CSMD1: variants seen among roughly 807,000 people sequenced by gnomAD.
The protein encoded by CSMD1 is CUB and sushi domain-containing protein 1.
A neutral mutation model predicts 417.5 loss-of-function variants in CSMD1; 213 were observed. That is an observed-to-expected ratio of 0.51 (90% confidence interval 0.46 to 0.57). The LOEUF (loss-of-function observed/expected upper bound fraction) is 0.57. Among genes scored for constraint, CSMD1 ranks in the 20% least tolerant of loss-of-function variants. CSMD1 has a pLI of 0.00. For missense variants in CSMD1, 6,923 were observed against 4,529.7 expected, an observed-to-expected ratio of 1.53 and a Z score of -15.17; for synonymous variants, 2,862 against 1,736.8, an observed-to-expected ratio of 1.65 and a Z score of -16.11.
chr8:3,147,173 C>T (rs1379831718), intron 40 of CSMD1, among the ~76,000 whole-genome samples: 1 of 152,086 alleles, frequency 6.6e-6, no homozygotes, highest in Non-Finnish European at 1.5e-5. Context: ...CAATCTGAAG[C>T]CTAGAAATTA....
intron 1 of CSMD1, among the ~76,000 whole-genome samples, chr8:4,921,098 AAAG>A (rs1468365342): frequency 4.6e-5 from 7 of 151,350 alleles, no homozygotes; most frequent in East Asian, 1.9e-4. Flanking sequence ...GAAAAAGAAA[AAAG>A]AAGAAAGAAA....
intron 3 of CSMD1, among the ~76,000 whole-genome samples, chr8:4,283,127 G>T (rs1796880634): frequency 6.6e-6 from 1 of 152,082 alleles, no homozygotes; most frequent in Non-Finnish European, 1.5e-5. Context: ...AGTAATCATG[G>T]ATAAAAACAC....
intron 3 of CSMD1, among the ~76,000 whole-genome samples, chr8:4,348,122 A>G (rs572160519): frequency 1.1e-4 from 16 of 152,310 alleles, no homozygotes; most frequent in Non-Finnish European, 2.2e-4. Flanking sequence ...TACCAGTTAG[A>G]AGTATTAAAG....
chr8:4,241,288 C>G (rs1245426014), intron 3 of CSMD1, among the ~76,000 whole-genome samples: 1 of 152,338 alleles, frequency 6.6e-6, no homozygotes, highest in Non-Finnish European at 1.5e-5. Flanking sequence ...ACAATTCATT[C>G]CCTTTACCTG....
In CSMD1 at chr8:3,031,974, G is replaced by GTGTATA. The variant is rs1554494092; in HGVS notation, c.7661-2462_7661-2461insTATACA. Among the ~76,000 whole-genome samples the GTGTATA allele has an allele frequency of 1.4e-4, 20 of 146,604 alleles. 1 individual carries two copies. Among genetic ancestry groups the GTGTATA allele is most frequent in the African/African-American group, 3.5e-4 (14 of 40,218 alleles). ...AGACACTATATGTGTGTATGTGTGT[G>GTGTATA]TATATATATATATATACACATAATA... On this transcript the variant is annotated intron_variant, in intron 50 of 69. Transcript: ENST00000635120.
At chr8:4,496,708 A>G (rs1243199372) in intron 2 of CSMD1, among the ~76,000 whole-genome samples, 1 of 152,132 alleles carries the variant, frequency 6.6e-6, no homozygotes, top group African/African-American at 2.4e-5. Flanking sequence ...ACTTGCATTC[A>G]ATCATCAGCT....
chr8:3,664,352 A>T (rs985610817), intron 7 of CSMD1, among the ~76,000 whole-genome samples: 2 of 152,166 alleles, frequency 1.3e-5, no homozygotes, highest in Non-Finnish European at 2.9e-5. Context: ...AAATTAAAAT[A>T]TTGGACTTCA....
At chr8:3,881,146 A>G (rs1396761044) in intron 5 of CSMD1, among the ~76,000 whole-genome samples, 1 of 152,154 alleles carries the variant, frequency 6.6e-6, no homozygotes, top group Non-Finnish European at 1.5e-5. Flanking sequence ...GATATGTGCC[A>G]TGTTTGTACA....
chr8:4,363,396 A>G (rs538020990), intron 3 of CSMD1, among the ~76,000 whole-genome samples: 1 of 151,166 alleles, frequency 6.6e-6, no homozygotes, highest in Admixed American at 6.5e-5. Flanking sequence ...TAAGAGGGAT[A>G]AAAAAATGTT....
intron 15 of CSMD1, among the ~76,000 whole-genome samples, chr8:3,400,636 G>T (rs1247095875): frequency 6.6e-6 from 1 of 151,818 alleles, no homozygotes; most frequent in Admixed American, 6.6e-5. Flanking sequence ...TGTTGATATG[G>T]GAAAATCTTT....
Position 3,205,094 on chromosome 8 carries a change from G to A in CSMD1, c.4984+410C>T, listed in dbSNP as rs111674651. Among the ~76,000 whole-genome samples, 468 of 152,282 alleles carry A rather than the reference G, an allele frequency of 3.1e-3. 4 individuals are homozygous for A. The highest frequency in any genetic ancestry group is 0.011 in the African/African-American group (441 of 41,540). On this transcript the variant is annotated intron_variant, in intron 31 of 69. Transcript: ENST00000635120. ...GTTGACTCAAGGATGCAGTGATTTC[G>A]ATCATGATCTGGTTACTGAGTTCAC...
At chr8:4,329,910 G>A (rs1799773434) in intron 3 of CSMD1, among the ~76,000 whole-genome samples, 2 of 151,722 alleles carry the variant, frequency 1.3e-5, no homozygotes, top group Admixed American at 6.6e-5. Flanking sequence ...TCCTGCTCTG[G>A]CCATGTGAGG....
chr8:4,453,892 G>A lies in CSMD1; in HGVS notation c.303-33827C>T, dbSNP rs187049063. ...GCTGGAGTGCACTGGCGCGACCTCGGCTCACTGCCAGCTCCGCCTCCCAGG... is the reference window on the plus strand; with the variant it reads ...GCTGGAGTGCACTGGCGCGACCTCGACTCACTGCCAGCTCCGCCTCCCAGG... On this transcript the variant is annotated intron_variant, in intron 2 of 69. Coordinates refer to ENST00000635120, the MANE Select transcript of CSMD1 (RefSeq NM_033225.6). Among the ~76,000 whole-genome samples, 30 of 136,956 alleles carry A rather than the reference G, an allele frequency of 2.2e-4. No homozygotes were observed. The East Asian group carries it at 4.1e-3, about 19-fold the overall frequency. 89.8% of individuals were successfully genotyped at this position (136,956 alleles called of 152,430 possible). A position where few individuals can be genotyped will look rare whatever the true frequency, so the allele number is the denominator to read the frequency against.
At chr8:3,890,060 T>C (rs562230983) in intron 5 of CSMD1, among the ~76,000 whole-genome samples, 2 of 152,264 alleles carry the variant, frequency 1.3e-5, no homozygotes, top group South Asian at 4.1e-4. Context: ...AATCCCAATT[T>C]ATCATTGCAT....
At chr8:4,040,892 C>T (rs931718060) in intron 3 of CSMD1, among the ~76,000 whole-genome samples, 4 of 151,960 alleles carry the variant, frequency 2.6e-5, no homozygotes, top group Non-Finnish European at 5.9e-5. Context: ...ATGTAAATGG[C>T]TCTTGAGAAG....
intron 3 of CSMD1, among the ~76,000 whole-genome samples, chr8:4,036,965 G>A (rs1251711013): frequency 1.5e-5 from 1 of 66,518 alleles, no homozygotes; most frequent in African/African-American, 7.9e-5. Flanking sequence ...GGGTGTGTGT[G>A]TGTGTGTGTG....
intron 29 of CSMD1, among the ~76,000 whole-genome samples, chr8:3,216,830 T>C (rs960988365): frequency 6.6e-6 from 1 of 152,254 alleles, no homozygotes; most frequent in African/African-American, 2.4e-5. Flanking sequence ...CACGACTGCC[T>C]GGTGTTCCTT....
intron 25 of CSMD1, among the ~76,000 whole-genome samples, chr8:3,306,317 G>T (rs1461223817): frequency 6.6e-6 from 1 of 152,036 alleles, no homozygotes; most frequent in Non-Finnish European, 1.5e-5. Context: ...GGGATTACAG[G>T]TGTGTGCCAC....
chr8:4,918,794 T>A (rs939412145), intron 1 of CSMD1, among the ~76,000 whole-genome samples: 1 of 152,216 alleles, frequency 6.6e-6, no homozygotes, highest in Non-Finnish European at 1.5e-5. Context: ...AATTTATATA[T>A]AAACACACTT....
Sources: gnomAD v4.1 joint callset for allele counts (sites outside exome capture counted in the v4.1 genomes callset) on GRCh38, gnomAD v4.1.1 for gene constraint, MANE v1.5 for transcripts, NCBI Gene and HGNC (gene_info 2026-07-23, HGNC 2026-07-21) for gene names.